ZNF570: variants seen among roughly 807,000 people sequenced by gnomAD.
The protein encoded by ZNF570 is zinc finger protein 570.
In ZNF570, 8 loss-of-function variants were observed where a neutral mutation model predicts 14.2. That is an observed-to-expected ratio of 0.56 (90% confidence interval 0.33 to 1.02). The LOEUF is 1.02. ZNF570 is among the 50% of genes least tolerant of loss of function. The probability of loss-of-function intolerance (pLI) is 0.03; values close to 1 mark genes in which losing one functional copy is unlikely to be tolerated. For synonymous variants in ZNF570, 202 were observed against 207.6 expected, an observed-to-expected ratio of 0.97 and a Z score of 0.23; for missense variants, 559 against 624.9, an observed-to-expected ratio of 0.89 and a Z score of 1.12.
rs2042176978 is a variant in ZNF570 at position 37,488,276 on chromosome 19, A to C, written c.*3043A>C. ...TTCTGTCAACATGGGTAAACCTCAA[A>C]AATAGTATTAATGAAATTGAACTAC... On this transcript the variant is annotated 3_prime_UTR_variant, in exon 5 of 5. Coordinates refer to ENST00000330173, the MANE Select transcript of ZNF570 (RefSeq NM_144694.5). 1 of 152,242 alleles carries C rather than the reference A, an allele frequency of 6.6e-6. No homozygotes were observed. Among genetic ancestry groups the C allele is most frequent in the African/African-American group, 2.4e-5 (1 of 41,472 alleles). 9.4% of individuals were successfully genotyped at this position (152,242 alleles called of 1,614,324 possible). A position where few individuals can be genotyped will look rare whatever the true frequency, so the allele number is the denominator to read the frequency against.
intron 2 of ZNF570, among the ~76,000 whole-genome samples, chr19:37,471,616 C>T (rs1397068326): frequency 6.6e-6 from 1 of 152,172 alleles, no homozygotes; most frequent in Non-Finnish European, 1.5e-5. Flanking sequence ...GAACTCTAGA[C>T]TTGTATACCT....
chr19:37,472,270 C>T (rs906332081), intron 2 of ZNF570, among the ~76,000 whole-genome samples: 2 of 151,696 alleles, frequency 1.3e-5, no homozygotes, highest in Non-Finnish European at 2.9e-5. Context: ...ACCTGTGTTA[C>T]TGTGGTACTC....
rs2041921296 is a variant in ZNF570 at position 37,469,681 on chromosome 19, T to TC, written c.-52+124_-52+125insC. 53 of 1,030,634 alleles carry TC rather than the reference T, an allele frequency of 5.1e-5. No homozygotes were observed. In the South Asian group the frequency reaches 7.5e-4, roughly 15 times the overall value. 63.8% of individuals were successfully genotyped at this position (1,030,634 alleles called of 1,614,324 possible). On this transcript the variant is annotated intron_variant, in intron 1 of 4. Transcript: ENST00000330173. Reference sequence around the variant, plus strand: ...GTGAGTTGAGGCGGGAGCGGGCGACTGTTCGCTGCACCTTGTTGGGCCGAT... The same window carrying TC: ...GTGAGTTGAGGCGGGAGCGGGCGACTCGTTCGCTGCACCTTGTTGGGCCGAT...
At chr19:37,469,059 C>T, upstream of ZNF570, 1 of 997,226 alleles carries the variant, frequency 1.0e-6, no homozygotes, top group Non-Finnish European at 1.2e-6. Context: ...CTTGTGCCTG[C>T]GCACTTCCAC....
chr19:37,469,342 G>A (rs985432312), upstream of ZNF570: 2 of 1,417,574 alleles, frequency 1.4e-6, no homozygotes, highest in East Asian at 2.6e-5. Context: ...TCCGGGGGCG[G>A]AGGCAGCTGA....
In ZNF570 at chr19:37,484,253, G is replaced by C. The variant is rs1398551136; in HGVS notation, c.631G>C (p.Val211Leu). ...TTTAATGGCTATTAAGCCCAAGAGT[G>C]TCTGTGCAGAGAAGAAACTTTTGAA... is the stretch of plus-strand genomic sequence containing the variant. Reference protein sequence around the residue: ...KNLMAIKPKSVCAEKKLLKCN... With the variant: ...KNLMAIKPKSLCAEKKLLKCN... The change falls in exon 5 of 5, where the codon GTC becomes CTC. Residue 211 changes from valine (V) to leucine (L), a missense_variant. Transcript: ENST00000330173. 1 of 1,613,676 alleles carries C rather than the reference G, an allele frequency of 6.2e-7. No individual in the cohort carries two copies. The highest frequency in any genetic ancestry group is 8.5e-7 in the Non-Finnish European group (1 of 1,179,974).
chr19:37,473,928 A>G (rs1438433089), intron 2 of ZNF570, among the ~76,000 whole-genome samples: 1 of 152,192 alleles, frequency 6.6e-6, no homozygotes, highest in African/African-American at 2.4e-5. Flanking sequence ...GTTTAAAACT[A>G]GATGTCTTTT....
At chr19:37,477,047 G>T (rs1007015589) in intron 4 of ZNF570, among the ~76,000 whole-genome samples, 1 of 151,968 alleles carries the variant, frequency 6.6e-6, no homozygotes, top group Non-Finnish European at 1.5e-5. Flanking sequence ...AGAAGTGTAG[G>T]CAGCCTTGGG....
In ZNF570 at chr19:37,469,705, A is replaced by G. The variant is rs1285591371; in HGVS notation, c.-52+148A>G. On this transcript the variant is annotated intron_variant, in intron 1 of 4. Transcript: ENST00000330173. ...CTGTTCGCTGCACCTTGTTGGGCCG[A>G]TACCCGCGGCTTCTTTGTGACTGGG... is the stretch of plus-strand genomic sequence containing the variant. 3.7e-6 allele frequency: 3 copies of G among 811,722 alleles called. No individual in the cohort carries two copies. In the African/African-American group the frequency reaches 5.1e-5, roughly 14 times the overall value. 50.3% of individuals were successfully genotyped at this position (811,722 alleles called of 1,614,324 possible).
At chr19:37,481,581 C>A (rs1035138400) in intron 4 of ZNF570, among the ~76,000 whole-genome samples, 1 of 152,124 alleles carries the variant, frequency 6.6e-6, no homozygotes, top group Admixed American at 6.5e-5. Context: ...CTTCTTCTTG[C>A]CCTGGTTATT....
chr19:37,470,507 C>T (rs541471525), intron 2 of ZNF570, 120 bp downstream of exon 2: 41 of 820,022 alleles, frequency 5.0e-5, no homozygotes, highest in Non-Finnish European at 7.7e-5. Flanking sequence ...TCAACACTCT[C>T]CATTGGATTC....
intron 1 of ZNF570, 152 bp from the exon 2 acceptor site, chr19:37,470,152 T>C: frequency 1.6e-6 from 1 of 614,500 alleles, no homozygotes; most frequent in East Asian, 2.8e-5. Flanking sequence ...ATCAGTTAAA[T>C]TGTATGCAAA....
intron 1 of ZNF570, 197 bp from the exon 2 acceptor site, chr19:37,470,107 G>A (rs2041930282): frequency 1.9e-6 from 1 of 522,492 alleles, no homozygotes; most frequent in Non-Finnish European, 3.4e-6. Flanking sequence ...TAGAACATCT[G>A]TTGTTAACCT....
At chr19:37,469,071 C>T, upstream of ZNF570, 1 of 1,008,088 alleles carries the variant, frequency 9.9e-7, no homozygotes, top group South Asian at 4.2e-5. Context: ...CACTTCCACA[C>T]CAGCCCGTGT....
At chr19:37,471,977 C>G (rs374389784) in intron 2 of ZNF570, among the ~76,000 whole-genome samples, 148 of 148,806 alleles carry the variant, frequency 9.9e-4, no homozygotes, top group African/African-American at 3.4e-3. Flanking sequence ...TGCAGTGGCA[C>G]AATCTCAACT....
chr19:37,483,389 C>T (rs903418140), intron 4 of ZNF570, among the ~76,000 whole-genome samples: 2 of 152,182 alleles, frequency 1.3e-5, no homozygotes, highest in East Asian at 1.9e-4. Flanking sequence ...TTCTCTGAAG[C>T]ACGTAGTATC....
intron 2 of ZNF570, among the ~76,000 whole-genome samples, chr19:37,472,657 G>A (rs765715011): frequency 2.0e-5 from 3 of 150,432 alleles, no homozygotes; most frequent in Non-Finnish European, 4.4e-5. Context: ...CAGGAGAATC[G>A]CTTGAACCTG....
Position 37,484,966 on chromosome 19 carries a change from G to A in ZNF570, c.1344G>A (p.Gly448=). ...GEKPYECIEC[G]KAFSNDSSLT... is the part of the protein sequence containing the mutation. ...AACCCTATGAATGTATTGAATGTGG[G>A]AAGGCTTTTAGCAATGACTCGTCCC... The change falls in exon 5 of 5, where the codon GGG becomes GGA. Residue 448 remains glycine (G), a synonymous_variant. Transcript: ENST00000330173. The A allele has an allele frequency of 6.2e-7, 1 of 1,614,018 alleles. No individual in the cohort carries two copies. Among genetic ancestry groups the A allele is most frequent in the Non-Finnish European group, 8.5e-7 (1 of 1,179,976 alleles).
At chr19:37,471,230 GTCTCGA>G (rs890423827) in intron 2 of ZNF570, among the ~76,000 whole-genome samples, 1 of 150,158 alleles carries the variant, frequency 6.7e-6, no homozygotes. Flanking sequence ...AGCCAGGATG[GTCTCGA>G]TCTCCTGACC....
Sources: gnomAD v4.1 joint callset for allele counts (sites outside exome capture counted in the v4.1 genomes callset) on GRCh38, gnomAD v4.1.1 for gene constraint, MANE v1.5 for transcripts, NCBI Gene and HGNC (gene_info 2026-07-23, HGNC 2026-07-21) for gene names.